The following EPHB2 variants were observed in gnomAD, a reference collection of about 807,000 sequenced individuals.
The protein encoded by EPHB2 is EPH receptor B2.
EPHB2 carries 18 observed loss-of-function variants against 96.4 expected under a neutral mutation model. That is an observed-to-expected ratio of 0.19 (90% CI 0.13 to 0.28). The LOEUF (loss-of-function observed/expected upper bound fraction) is 0.28. Among genes scored for constraint, EPHB2 ranks in the 10% least tolerant of loss-of-function variants. The pLI, the probability that EPHB2 is intolerant of heterozygous loss-of-function variation, is 1.00. For synonymous variants in EPHB2, 506 were observed against 534.1 expected, an observed-to-expected ratio of 0.95 and a Z score of 0.72; for missense variants, 989 against 1,355.4, an observed-to-expected ratio of 0.73 and a Z score of 4.25.
At chr1:22,833,925 G>A (rs944523432) in intron 3 of EPHB2, among the ~76,000 whole-genome samples, 1 of 151,866 alleles carries the variant, frequency 6.6e-6, no homozygotes, top group Non-Finnish European at 1.5e-5. Flanking sequence ...GAATAAAATA[G>A]GTAGCAAGAT....
chr1:22,806,716 C>T (rs780195092), intron 3 of EPHB2, among the ~76,000 whole-genome samples: 5 of 152,260 alleles, frequency 3.3e-5, no homozygotes, highest in African/African-American at 9.6e-5. Context: ...CGCGCCTGGG[C>T]GGCCCAGCGC....
chr1:22,877,732 T>C (rs1638891896), intron 5 of EPHB2, among the ~76,000 whole-genome samples: 1 of 152,196 alleles, frequency 6.6e-6, no homozygotes, highest in Non-Finnish European at 1.5e-5. Flanking sequence ...CTGGCTCTAG[T>C]CCAGCTTTAC....
intron 1 of EPHB2, among the ~76,000 whole-genome samples, chr1:22,757,418 G>A (rs1425059605): frequency 1.3e-5 from 2 of 152,310 alleles, no homozygotes; most frequent in East Asian, 3.9e-4. Context: ...ACAGCCTCAG[G>A]CATTGTAGAA....
chr1:22,771,394 G>A (rs1644378020), intron 1 of EPHB2, among the ~76,000 whole-genome samples: 1 of 152,216 alleles, frequency 6.6e-6, no homozygotes, highest in African/African-American at 2.4e-5. Context: ...GAGGGCGAGG[G>A]ACATGGCAGG....
intron 1 of EPHB2, chr1:22,775,101 GCA>G: frequency 1.3e-6 from 1 of 740,930 alleles, no homozygotes; most frequent in Non-Finnish European, 2.5e-6. Context: ...GAAGATAAAT[GCA>G]CACACACAAG....
At position 22,784,104 on chromosome 1, in the gene EPHB2, C is replaced by T. The variant is rs1644573336; in HGVS notation, c.127-288C>T. Among the ~76,000 whole-genome samples the T allele has an allele frequency of 6.6e-6, 1 of 152,194 alleles. No homozygotes were observed. Among genetic ancestry groups the T allele is most frequent in the East Asian group, 1.9e-4 (1 of 5,188 alleles). On this transcript the variant is annotated intron_variant, in intron 2 of 15. Transcript: ENST00000374630. This position sits in a 1 kb window ranked among gnomAD's most constrained non-coding sequence, Gnocchi z 5.1. ...GGGGAAGGGTTCTCCCTATTTTCCC[C>T]TTCCAGGTGGGAACTTCCTGGCCAG...
rs570495304 is a variant in EPHB2 at position 22,803,478 on chromosome 1, G to A, written c.811+18402G>A. ...AAAAATTAGCCAGGTGTGGTGGTAC[G>A]CACTTGTAGTCCCAGCTACTAGGGA... On this transcript the variant is annotated intron_variant, in intron 3 of 15. Transcript: ENST00000374630. Among the ~76,000 whole-genome samples, 9 of 151,852 alleles carry A rather than the reference G, an allele frequency of 5.9e-5. No individual in the cohort carries two copies. The South Asian group carries it at 6.2e-4, about 11-fold the overall frequency.
chr1:22,714,534 T>C (rs139627036), intron 1 of EPHB2, among the ~76,000 whole-genome samples: 1 of 152,182 alleles, frequency 6.6e-6, no homozygotes, highest in Non-Finnish European at 1.5e-5. Flanking sequence ...CAGTGGGGGT[T>C]GAGACTGAGA....
intron 1 of EPHB2, among the ~76,000 whole-genome samples, chr1:22,753,812 C>T (rs1000631895): frequency 6.6e-6 from 1 of 151,518 alleles, no homozygotes; most frequent in Non-Finnish European, 1.5e-5. Context: ...TTTATCTAAA[C>T]CCTTGCTGGA....
intron 15 of EPHB2, chr1:22,912,867 T>C (rs1640153381): frequency 4.1e-6 from 2 of 486,142 alleles, no homozygotes; most frequent in East Asian, 8.4e-5. Context: ...GTAGGAAGGT[T>C]GAGGGAGATA....
At chr1:22,720,983 A>G (rs1307647635) in intron 1 of EPHB2, among the ~76,000 whole-genome samples, 1 of 152,012 alleles carries the variant, frequency 6.6e-6, no homozygotes, top group Non-Finnish European at 1.5e-5. Context: ...CATTTTCCTT[A>G]TCAGCGAACT....
intron 6 of EPHB2, among the ~76,000 whole-genome samples, chr1:22,883,975 C>T (rs192792025): frequency 6.6e-6 from 1 of 151,884 alleles, no homozygotes; most frequent in African/African-American, 2.4e-5. Context: ...GCCGTCCCCC[C>T]ACCCACCCAC....
At chr1:22,889,688 G>A (rs77377063) in intron 6 of EPHB2, among the ~76,000 whole-genome samples, 1 of 152,116 alleles carries the variant, frequency 6.6e-6, no homozygotes, top group Non-Finnish European at 1.5e-5. Flanking sequence ...TGGCACTTGC[G>A]CTGAGTCTTG....
intron 2 of EPHB2, among the ~76,000 whole-genome samples, chr1:22,783,198 CACTTCTAGTCTCT>C (rs1049554460): frequency 2.6e-5 from 4 of 152,218 alleles, no homozygotes; most frequent in Non-Finnish European, 1.5e-5. Context: ...CAAATGACCT[CACTTCTAGTCTCT>C]ACTCCCTCAT....
chr1:22,827,365 A>G (rs1645239831), intron 3 of EPHB2, among the ~76,000 whole-genome samples: 1 of 152,214 alleles, frequency 6.6e-6, no homozygotes, highest in Non-Finnish European at 1.5e-5. Context: ...AACCTGGCTC[A>G]CAGCAGGGGC....
chr1:22,912,383 C>T, intron 14 of EPHB2, 61 bp from the exon 15 acceptor site: 1 of 1,608,402 alleles, frequency 6.2e-7, no homozygotes, highest in Non-Finnish European at 8.5e-7. Flanking sequence ...ACAGGCATGT[C>T]CCTGCACGCT....
intron 1 of EPHB2, among the ~76,000 whole-genome samples, chr1:22,746,105 G>C (rs898208590): frequency 1.3e-5 from 2 of 152,208 alleles, no homozygotes; most frequent in Non-Finnish European, 2.9e-5. Context: ...TTTTGCCAGG[G>C]AAGGAGGTGA....
At chr1:22,809,392 T>A (rs1358025265) in intron 3 of EPHB2, among the ~76,000 whole-genome samples, 1 of 152,212 alleles carries the variant, frequency 6.6e-6, no homozygotes, top group Non-Finnish European at 1.5e-5. Context: ...CTTCCTAAGA[T>A]GTTTTTCCAA....
At chr1:22,891,827 C>T (rs1254674855) in intron 6 of EPHB2, among the ~76,000 whole-genome samples, 3 of 148,362 alleles carry the variant, frequency 2.0e-5, no homozygotes, top group African/African-American at 7.4e-5. Context: ...TAGGGTTTTG[C>T]TCTGTTGCCC....
Sources: allele counts gnomAD v4.1 joint callset (sites outside exome capture counted in the v4.1 genomes callset), GRCh38; gene constraint gnomAD v4.1.1; non-coding constraint Gnocchi (gnomAD v3.1); transcripts MANE v1.5; gene names NCBI Gene and HGNC (gene_info 2026-07-23, HGNC 2026-07-21).